Variants in RTN4RL1 observed in about 807,000 individuals in gnomAD.
The protein encoded by RTN4RL1 is reticulon 4 receptor like 1, also known as reticulon-4 receptor-like 1.
In RTN4RL1, 7 loss-of-function variants were observed where a neutral mutation model predicts 25.6. The ratio of observed to expected loss-of-function variants is 0.27; its 90% confidence interval spans 0.16 to 0.51. The LOEUF (loss-of-function observed/expected upper bound fraction) is 0.51. Ranked by LOEUF, RTN4RL1 falls within the 20% of genes least tolerant of loss-of-function variation. The pLI, the probability that RTN4RL1 is intolerant of heterozygous loss-of-function variation, is 0.97. For synonymous variants in RTN4RL1, 297 were observed against 288.2 expected, an observed-to-expected ratio of 1.03 and a Z score of -0.31; for missense variants, 500 against 615.6, an observed-to-expected ratio of 0.81 and a Z score of 1.99.
At chr17:1,964,788 C>CTTTTTTTT (rs34138766) in intron 1 of RTN4RL1, among the ~76,000 whole-genome samples, 29 of 124,712 alleles carry the variant, frequency 2.3e-4, no homozygotes, top group African/African-American at 3.6e-4. Context: ...CTTTTCTTTT[C>CTTTTTTTT]TTTTTTTTTT....
intron 1 of RTN4RL1, among the ~76,000 whole-genome samples, chr17:1,979,657 A>G (rs768554372): frequency 3.9e-5 from 6 of 152,128 alleles, no homozygotes; most frequent in Non-Finnish European, 5.9e-5. Context: ...GCCTATACTA[A>G]GATCTCTGCC....
chr17:1,938,241 A>C (rs1311893402), intron 1 of RTN4RL1, among the ~76,000 whole-genome samples: 1 of 152,150 alleles, frequency 6.6e-6, no homozygotes, highest in African/African-American at 2.4e-5. Flanking sequence ...TCTTGCTCTA[A>C]TGTAGTAAAT....
At chr17:1,967,066 A>G (rs1274826352) in intron 1 of RTN4RL1, among the ~76,000 whole-genome samples, 1 of 152,154 alleles carries the variant, frequency 6.6e-6, no homozygotes, top group African/African-American at 2.4e-5. Flanking sequence ...AGGAAACAGA[A>G]GAGGCTAAAG....
chr17:1,991,713 CAG>C (rs201947168), intron 1 of RTN4RL1, among the ~76,000 whole-genome samples: 1 of 152,198 alleles, frequency 6.6e-6, no homozygotes, highest in African/African-American at 2.4e-5. Flanking sequence ...TCAGTGCACA[CAG>C]AGTCACCCAT....
Position 1,934,846 on chromosome 17 carries a change from G to C in RTN4RL1, c.*1650C>G, listed in dbSNP as rs375278493. 6.5e-6 allele frequency: 1 copy of C among 152,696 alleles called. No homozygotes were observed. The highest frequency in any genetic ancestry group is 1.5e-5 in the Non-Finnish European group (1 of 68,118). 9.5% of individuals were successfully genotyped at this position (152,696 alleles called of 1,614,324 possible). ...GCCAGCAGCACGGCCGGCTTTGATC[G>C]GAGCCCCTCTTCCCTGTCCGGGCTC... On this transcript the variant is annotated 3_prime_UTR_variant, in exon 2 of 2. Coordinates refer to ENST00000331238, the MANE Select transcript of RTN4RL1 (RefSeq NM_178568.4). This position sits in a 1 kb window ranked among gnomAD's most constrained non-coding sequence, Gnocchi z 4.0.
chr17:1,960,280 C>G (rs532910020), intron 1 of RTN4RL1, among the ~76,000 whole-genome samples: 1 of 151,886 alleles, frequency 6.6e-6, no homozygotes, highest in African/African-American at 2.4e-5. Flanking sequence ...ATTGCAGCCC[C>G]ATCACCACCC....
intron 1 of RTN4RL1, among the ~76,000 whole-genome samples, chr17:1,945,326 G>A (rs1353074068): frequency 6.6e-6 from 1 of 152,136 alleles, no homozygotes; most frequent in Non-Finnish European, 1.5e-5. Flanking sequence ...GGGTTCAAGC[G>A]ATTCTCTCGC....
At chr17:1,948,944 C>T (rs1414091836) in intron 1 of RTN4RL1, among the ~76,000 whole-genome samples, 2 of 151,916 alleles carry the variant, frequency 1.3e-5, no homozygotes, top group African/African-American at 2.4e-5. Context: ...AGGCACCTGC[C>T]ACCACGCCTG....
chr17:1,989,070 A>G (rs1313554310), intron 1 of RTN4RL1, among the ~76,000 whole-genome samples: 1 of 152,196 alleles, frequency 6.6e-6, no homozygotes, highest in Non-Finnish European at 1.5e-5. Flanking sequence ...TGCGGCAAGG[A>G]GGCTGGAGAC....
rs1193655384 is a variant in RTN4RL1 at position 1,934,709 on chromosome 17, T to G, written c.*1787A>C. 6.6e-6 allele frequency: 1 copy of G among 152,636 alleles called. No individual in the cohort carries two copies. The highest frequency in any genetic ancestry group is 2.4e-5 in the African/African-American group (1 of 41,450). The allele number at this position is 152,636 out of a possible 1,614,324, so 9.5% of individuals were successfully genotyped here. On this transcript the variant is annotated 3_prime_UTR_variant, in exon 2 of 2. Coordinates refer to ENST00000331238, the MANE Select transcript of RTN4RL1 (RefSeq NM_178568.4). The surrounding 1 kb of genome is among the most constrained non-coding windows in gnomAD (Gnocchi z 4.0). ...CCAAGATCATTTATTGTTATTATTA[T>G]TTTTCTCTCTTAATTGGATTCAGCG...
intron 1 of RTN4RL1, among the ~76,000 whole-genome samples, chr17:1,999,142 T>TACACACACACAC (rs147931732): frequency 1.4e-3 from 211 of 147,954 alleles, no homozygotes; most frequent in African/African-American, 4.8e-3. Context: ...GTGCTCATCA[T>TACACACACACAC]ACACACACAC....
Position 1,937,819 on chromosome 17 carries a change from G to A in RTN4RL1, c.14-11C>T. 4.5e-6 allele frequency: 7 copies of A among 1,568,520 alleles called. No homozygotes were observed. Among genetic ancestry groups the A allele is most frequent in the Non-Finnish European group, 6.0e-6 (7 of 1,157,864 alleles). On this transcript the variant is annotated splice_polypyrimidine_tract_variant and intron_variant, in intron 1 of 1. Coordinates refer to ENST00000331238, the MANE Select transcript of RTN4RL1 (RefSeq NM_178568.4). ...ACTCCACACAGCACCCTGGCAGGGA[G>A]AGAGAGCACAGCCAGGTCAGGGGCC... is the stretch of plus-strand genomic sequence containing the variant.
At chr17:1,938,348 G>A (rs968483216) in intron 1 of RTN4RL1, among the ~76,000 whole-genome samples, 1 of 151,898 alleles carries the variant, frequency 6.6e-6, no homozygotes, top group African/African-American at 2.4e-5. Context: ...TGTTGCCCAG[G>A]CTGGAGTGCA....
At chr17:1,958,470 A>T (rs1355690252) in intron 1 of RTN4RL1, among the ~76,000 whole-genome samples, 7 of 152,156 alleles carry the variant, frequency 4.6e-5, no homozygotes, top group African/African-American at 7.2e-5. Context: ...CTTCACACTC[A>T]TGAGGCCGGG....
chr17:1,982,806 C>T (rs1205515038), intron 1 of RTN4RL1, among the ~76,000 whole-genome samples: 1 of 152,122 alleles, frequency 6.6e-6, no homozygotes, highest in Non-Finnish European at 1.5e-5. Context: ...AACTTGCTGA[C>T]CCAGAGGAAG....
chr17:1,966,525 G>A (rs1380089870), intron 1 of RTN4RL1, among the ~76,000 whole-genome samples: 2 of 152,166 alleles, frequency 1.3e-5, no homozygotes, highest in Admixed American at 6.5e-5. Flanking sequence ...CCCTGGACAG[G>A]AGTGCTTCCC....
chr17:2,004,648 G>A (rs979534847), intron 1 of RTN4RL1, among the ~76,000 whole-genome samples: 1 of 152,186 alleles, frequency 6.6e-6, no homozygotes, highest in Non-Finnish European at 1.5e-5. Context: ...CGCCTGCACC[G>A]CCTTAGGGGA....
intron 1 of RTN4RL1, among the ~76,000 whole-genome samples, chr17:1,950,271 G>A (rs1915645494): frequency 6.6e-6 from 1 of 152,098 alleles, no homozygotes; most frequent in African/African-American, 2.4e-5. Context: ...CCAGGATGGG[G>A]CCCGACAGGA....
intron 1 of RTN4RL1, chr17:2,003,605 G>A (rs2066973371): frequency 6.6e-6 from 1 of 152,328 alleles, no homozygotes; most frequent in African/African-American, 2.4e-5. Flanking sequence ...ACTGAGGCCA[G>A]AAGGATTTAA....
Sources: allele counts gnomAD v4.1 joint callset (sites outside exome capture counted in the v4.1 genomes callset), GRCh38; gene constraint gnomAD v4.1.1; non-coding constraint Gnocchi (gnomAD v3.1); transcripts MANE v1.5; gene names NCBI Gene and HGNC (gene_info 2026-07-23, HGNC 2026-07-21).